ANKRD66: variants seen among roughly 807,000 people sequenced by gnomAD.
ANKRD66 encodes ankyrin repeat domain-containing protein 66.
A neutral mutation model predicts 10.9 loss-of-function variants in ANKRD66; 10 were observed. That is an observed-to-expected ratio of 0.91 (90% CI 0.56 to 1.55). The LOEUF is 1.55. Among genes scored for constraint, ANKRD66 ranks in the 40% most tolerant of loss-of-function variants. ANKRD66 has a pLI of 0.00. For synonymous variants in ANKRD66, 85 were observed against 88.4 expected, an observed-to-expected ratio of 0.96 and a Z score of 0.22; for missense variants, 252 against 242.9, an observed-to-expected ratio of 1.04 and a Z score of -0.25.
chr6:46,754,164 G>A (rs1012036928), intron 4 of ANKRD66, among the ~76,000 whole-genome samples: 1 of 152,130 alleles, frequency 6.6e-6, no homozygotes, highest in Non-Finnish European at 1.5e-5. Flanking sequence ...TTAACATGTT[G>A]TTTTGATTAT....
At position 46,759,263 on chromosome 6, in the gene ANKRD66, A is replaced by G. The variant is rs1260303403; in HGVS notation, c.*342A>G. The G allele has an allele frequency of 5.7e-6, 1 of 175,848 alleles. No homozygotes were observed. Among genetic ancestry groups the G allele is most frequent in the Non-Finnish European group, 1.2e-5 (1 of 84,256 alleles). 10.9% of individuals were successfully genotyped at this position (175,848 alleles called of 1,614,324 possible). ...CATCCCTGATAACGATCGAGAGATA[A>G]TGTAAAATAATGAACATGTGATTAT... On this transcript the variant is annotated 3_prime_UTR_variant, in exon 5 of 5. Transcript: ENST00000565422.
chr6:46,753,520 G>C (rs1766311628), intron 3 of ANKRD66, among the ~76,000 whole-genome samples: 1 of 152,126 alleles, frequency 6.6e-6, no homozygotes, highest in African/African-American at 2.4e-5. Context: ...CCCTGGGTGG[G>C]AACAAGGTTC....
intron 1 of ANKRD66, among the ~76,000 whole-genome samples, chr6:46,748,763 C>A (rs895035335): frequency 6.6e-6 from 1 of 152,190 alleles, no homozygotes; most frequent in African/African-American, 2.4e-5. Flanking sequence ...CAGTTGAGAA[C>A]AGCTGCCACA....
chr6:46,753,990 A>G (rs1276799004), intron 4 of ANKRD66, 40 bp downstream of exon 4: 3 of 1,497,320 alleles, frequency 2.0e-6, no homozygotes, highest in Admixed American at 4.1e-5. Flanking sequence ...GGAGCAGAGG[A>G]ACAGGAGTCT....
intron 4 of ANKRD66, chr6:46,755,999 CAG>C (rs1766375959): frequency 2.6e-6 from 1 of 391,604 alleles, no homozygotes; most frequent in South Asian, 2.0e-5. Context: ...TGTTGTGAAA[CAG>C]AGCTCCAGAA....
chr6:46,747,931 G>GA (rs1481848179), intron 1 of ANKRD66, among the ~76,000 whole-genome samples: 2 of 152,184 alleles, frequency 1.3e-5, no homozygotes, highest in East Asian at 1.9e-4. Context: ...TGAGAGTCTA[G>GA]AAAAAACCCT....
At chr6:46,758,411 A>G in intron 4 of ANKRD66, 1 of 251,498 alleles carries the variant, frequency 4.0e-6, no homozygotes. Context: ...AATAAACGAA[A>G]ACAGTCTCGC....
chr6:46,747,759 A>G (rs1408511978), intron 1 of ANKRD66, among the ~76,000 whole-genome samples: 1 of 152,208 alleles, frequency 6.6e-6, no homozygotes, highest in Non-Finnish European at 1.5e-5. Context: ...CTAAGAACAT[A>G]CATGTACAAA....
chr6:46,748,852 C>T (rs1766200404), intron 1 of ANKRD66, among the ~76,000 whole-genome samples: 1 of 152,224 alleles, frequency 6.6e-6, no homozygotes. Flanking sequence ...GATATTGCTA[C>T]TCAGAGTGTG....
At chr6:46,757,609 T>A (rs1766408031) in intron 4 of ANKRD66, 1 of 152,124 alleles carries the variant, frequency 6.6e-6, no homozygotes, top group African/African-American at 2.4e-5. Context: ...ACATTTTGAG[T>A]AAGTTGGCTC....
chr6:46,754,184 A>T (rs866517262), intron 4 of ANKRD66, among the ~76,000 whole-genome samples: 2 of 152,210 alleles, frequency 1.3e-5, no homozygotes, highest in Non-Finnish European at 2.9e-5. Flanking sequence ...TACAAAAATT[A>T]TCTCAGATAA....
At chr6:46,751,628 G>A (rs567657895) in intron 2 of ANKRD66, among the ~76,000 whole-genome samples, 6 of 152,154 alleles carry the variant, frequency 3.9e-5, no homozygotes, top group African/African-American at 1.4e-4. Flanking sequence ...TAACGTAAGG[G>A]AACACTACTA....
At chr6:46,758,321 G>A (rs149473538) in intron 4 of ANKRD66, 265 of 158,234 alleles carry the variant, frequency 1.7e-3, no homozygotes, top group African/African-American at 6.1e-3. Flanking sequence ...TTCTCATTTT[G>A]TTCCTTATAT....
intron 2 of ANKRD66, among the ~76,000 whole-genome samples, chr6:46,750,551 T>TAC (rs145906875): frequency 6.6e-6 from 1 of 150,850 alleles, no homozygotes; most frequent in Non-Finnish European, 1.5e-5. Context: ...AATCTGGTTA[T>TAC]ACACACACAC....
intron 4 of ANKRD66, among the ~76,000 whole-genome samples, chr6:46,755,671 G>A (rs1255271282): frequency 1.3e-5 from 2 of 151,730 alleles, no homozygotes; most frequent in Non-Finnish European, 2.9e-5. Flanking sequence ...CCTTTCCCTT[G>A]ACTTCTTTTT....
Position 46,753,911 on chromosome 6 carries a change from A to G in ANKRD66, c.353A>G (p.Gln118Arg), listed in dbSNP as rs1188389149. Residue 118 changes from glutamine to arginine, a missense_variant, in exon 4 of 5, where the codon CAG (glutamine) becomes CGG (arginine). By Grantham distance (43) the Gln-to-Arg change is conservative (BLOSUM62 1). Coordinates refer to ENST00000565422, the MANE Select transcript of ANKRD66 (RefSeq NM_001162435.3). ...GGAGACACACCGAAGAGGATTGCAC[A>G]GATCTATGGACAGAAAGCCTGTGTG... ...FFGDTPKRIA[Q>R]IYGQKACVAF... The G allele has an allele frequency of 1.3e-6, 2 of 1,551,526 alleles. No individual in the cohort carries two copies. Among genetic ancestry groups the G allele is most frequent in the Admixed American group, 2.0e-5 (1 of 50,988 alleles).
At chr6:46,753,268 A>G (rs550581277) in intron 3 of ANKRD66, among the ~76,000 whole-genome samples, 1 of 152,340 alleles carries the variant, frequency 6.6e-6, no homozygotes, top group African/African-American at 2.4e-5. Flanking sequence ...TCAGGGTATG[A>G]AATCACATCT....
rs373148703 is a variant in ANKRD66, at chr6:46,749,963, C to A, written c.-29C>A. Reference sequence around the variant, plus strand: ...ACAACAAAGATGGCCGGACCCCTGCCCAGAGTTTCAGATTCTGTAAGTCTG... The same window carrying A: ...ACAACAAAGATGGCCGGACCCCTGCACAGAGTTTCAGATTCTGTAAGTCTG... On this transcript the variant is annotated 5_prime_UTR_variant, in exon 2 of 5. Transcript: ENST00000565422. 90 of 1,498,556 alleles carry A rather than the reference C, an allele frequency of 6.0e-5. No individual in the cohort carries two copies. The African/African-American group carries it at 1.2e-3, about 19-fold the overall frequency. 92.8% of individuals were successfully genotyped at this position (1,498,556 alleles called of 1,614,324 possible). A position where few individuals can be genotyped will look rare whatever the true frequency, so the allele number is the denominator to read the frequency against.
chr6:46,753,727 A>G lies in ANKRD66; in HGVS notation c.169A>G (p.Met57Val). The G allele has an allele frequency of 6.5e-7, 1 of 1,547,606 alleles. No individual in the cohort carries two copies. The highest frequency in any genetic ancestry group is 1.4e-5 in the African/African-American group (1 of 72,968). Residue 57 changes from methionine (M) to valine (V), a missense_variant, in exon 4 of 5, where the codon ATG (methionine) becomes GTG (valine). By Grantham distance (21) the Met-to-Val change is conservative. Transcript: ENST00000565422. ...TTCTTTTTGGTACATCTAAGGGCAA[A>G]TGGAGGTGATACGGCTCCTGATAGA... ...PLHWAAIKGQMEVIRLLIEYG... is the reference protein window; with the variant it reads ...PLHWAAIKGQVEVIRLLIEYG...
Sources: allele counts gnomAD v4.1 joint callset (sites outside exome capture counted in the v4.1 genomes callset), GRCh38; gene constraint gnomAD v4.1.1; transcripts MANE v1.5; gene names NCBI Gene and HGNC (gene_info 2026-07-23, HGNC 2026-07-21).